Variants in PALM2AKAP2 observed in about 807,000 individuals in gnomAD.
PALM2AKAP2 encodes the protein PALM2-AKAP2 fusion protein.
PALM2AKAP2 carries 37 observed loss-of-function variants against 71.5 expected under a neutral mutation model. The observed-to-expected ratio is 0.52, with a 90% CI of 0.40 to 0.68. The LOEUF is 0.68. Ranked by LOEUF, PALM2AKAP2 falls within the 30% of genes least tolerant of loss-of-function variation. The pLI, the probability that PALM2AKAP2 is intolerant of heterozygous loss-of-function variation, is 0.00. For synonymous variants in PALM2AKAP2, 468 were observed against 478.8 expected (o/e 0.98, Z 0.29); for missense variants, 1,224 against 1,191.8 (o/e 1.03, Z -0.40).
At chr9:109,748,912 T>C (rs1828844259) in intron 1 of PALM2AKAP2, among the ~76,000 whole-genome samples, 1 of 152,220 alleles carries the variant, frequency 6.6e-6, no homozygotes, top group Non-Finnish European at 1.5e-5. Context: ...CTTAATTTCC[T>C]ATTCTTATAA....
At chr9:109,889,461 T>G (rs1486317994) in intron 3 of PALM2AKAP2, among the ~76,000 whole-genome samples, 1 of 152,208 alleles carries the variant, frequency 6.6e-6, no homozygotes, top group East Asian at 1.9e-4. Context: ...CAACTCTAAT[T>G]ATTACAGAGG....
chr9:110,136,784 G>C, exon 2 of PALM2AKAP2: 2 of 1,614,164 alleles, frequency 1.2e-6, no homozygotes, highest in Non-Finnish European at 1.7e-6. Context: ...TGAGCTGCGT[G>C]CCTTCCATGA....
intron 1 of PALM2AKAP2, among the ~76,000 whole-genome samples, chr9:109,686,924 A>G (rs902887730): frequency 4.7e-5 from 7 of 149,260 alleles, no homozygotes; most frequent in African/African-American, 1.7e-4. Context: ...GAGAATATGC[A>G]GTGTTTGGTT....
intron 7 of PALM2AKAP2, among the ~76,000 whole-genome samples, chr9:110,026,646 A>G (rs972120527): frequency 6.6e-6 from 1 of 151,636 alleles, no homozygotes; most frequent in African/African-American, 2.4e-5. Context: ...ATTCTCTCCT[A>G]CTCCAGCTCC....
chr9:109,739,349 G>T (rs1828683645), intron 1 of PALM2AKAP2, among the ~76,000 whole-genome samples: 2 of 152,144 alleles, frequency 1.3e-5, no homozygotes, highest in South Asian at 4.1e-4. Flanking sequence ...TTTAGAGAAT[G>T]CCATCAATTG....
upstream of PALM2AKAP2, among the ~76,000 whole-genome samples, chr9:110,045,607 G>A (rs1158031544): frequency 4.6e-5 from 7 of 151,528 alleles, no homozygotes; most frequent in Non-Finnish European, 5.9e-5. Flanking sequence ...TCTCTCTGTC[G>A]CCCAGGCTGG....
chr9:109,957,891 A>G (rs535305717), intron 6 of PALM2AKAP2, among the ~76,000 whole-genome samples: 5 of 152,340 alleles, frequency 3.3e-5, no homozygotes, highest in South Asian at 2.1e-4. Flanking sequence ...GGCTGGCCGC[A>G]GTGAGTCCGG....
At chr9:109,941,166 T>C (rs1162374744) in intron 6 of PALM2AKAP2, among the ~76,000 whole-genome samples, 2 of 149,818 alleles carry the variant, frequency 1.3e-5, no homozygotes, top group Non-Finnish European at 1.5e-5. Flanking sequence ...TTTTTTTTTT[T>C]TTTAAAGAAA....
chr9:110,051,605 A>G (rs1833711605), intron 1 of PALM2AKAP2, among the ~76,000 whole-genome samples: 1 of 152,178 alleles, frequency 6.6e-6, no homozygotes, highest in South Asian at 2.1e-4. Context: ...ATTTGGATGG[A>G]GGTTGTGTTG....
chr9:109,801,104 G>T (rs181682740), intron 1 of PALM2AKAP2, among the ~76,000 whole-genome samples: 1 of 152,342 alleles, frequency 6.6e-6, no homozygotes, highest in Non-Finnish European at 1.5e-5. Context: ...AGATTTGGGG[G>T]TTGCATACAT....
intron 1 of PALM2AKAP2, among the ~76,000 whole-genome samples, chr9:109,696,216 T>C (rs548177414): frequency 7.0e-4 from 106 of 152,114 alleles, no homozygotes; most frequent in Non-Finnish European, 1.1e-3. Flanking sequence ...CTAACATCAT[T>C]GATGTCATCA....
chr9:110,023,318 T>C (rs1003387869), intron 7 of PALM2AKAP2, among the ~76,000 whole-genome samples: 1 of 132,502 alleles, frequency 7.5e-6, no homozygotes, highest in Non-Finnish European at 1.6e-5. Flanking sequence ...TTTTTTTTTT[T>C]TTTTTTTTTT....
At chr9:109,882,167 A>G (rs1233646291) in intron 3 of PALM2AKAP2, among the ~76,000 whole-genome samples, 2 of 152,026 alleles carry the variant, frequency 1.3e-5, no homozygotes, top group African/African-American at 2.4e-5. Flanking sequence ...ACAGACATGA[A>G]CCACCGCACC....
chr9:109,932,481 A>G (rs936062686), intron 6 of PALM2AKAP2, among the ~76,000 whole-genome samples: 1 of 152,234 alleles, frequency 6.6e-6, no homozygotes, highest in Non-Finnish European at 1.5e-5. Flanking sequence ...ATGAATACAT[A>G]TATTCCTAAG....
intron 3 of PALM2AKAP2, among the ~76,000 whole-genome samples, chr9:109,890,687 C>A (rs548649264): frequency 2.1e-4 from 32 of 152,284 alleles, no homozygotes; most frequent in Non-Finnish European, 3.5e-4. Context: ...CTGCCTGCAT[C>A]CTGGTTCCTG....
In PALM2AKAP2 at chr9:110,053,153, C is replaced by G. The variant is rs369437589; in HGVS notation, c.156+4298C>G. ...ACTCAGGCTGCCCTCGCCTCCTTTT[C>G]CCTTTCGTGCTCCTGTCTCCCATCT... is the stretch of plus-strand genomic sequence containing the variant. On this transcript the variant is annotated intron_variant, in intron 1 of 3. Transcript: ENST00000374525. Among the ~76,000 whole-genome samples the G allele has an allele frequency of 1.3e-4, 20 of 152,288 alleles. No individual in the cohort carries two copies. The South Asian group carries it at 3.1e-3, about 24-fold the overall frequency.
In PALM2AKAP2 at chr9:109,642,772, G is replaced by C. The variant is rs1188867409; in HGVS notation, c.5+1906G>C. The stretch of plus-strand genomic sequence containing the variant: ...GTCCTATGTTGCTCAGGCTAGTCTT[G>C]AACTCCTGGGCTCAAGCAATCCTCC... On this transcript the variant is annotated intron_variant, in intron 1 of 6. Transcript: ENST00000374531. Among the ~76,000 whole-genome samples the C allele has an allele frequency of 3.3e-5, 5 of 150,458 alleles. No homozygotes were observed. The East Asian group carries it at 9.8e-4, about 30-fold the overall frequency.
exon 4 of PALM2AKAP2, chr9:110,171,893 AT>A (rs1228310595): frequency 6.6e-6 from 1 of 152,668 alleles, no homozygotes; most frequent in Non-Finnish European, 1.5e-5. Context: ...TCATCCAGAA[AT>A]TATGGAAACA....
intron 6 of PALM2AKAP2, among the ~76,000 whole-genome samples, chr9:109,969,923 G>A (rs1022379307): frequency 6.6e-6 from 1 of 152,172 alleles, no homozygotes; most frequent in African/African-American, 2.4e-5. Flanking sequence ...AGACCTGAAG[G>A]CCCATTGACC....
Sources: gnomAD v4.1 joint callset for allele counts (sites outside exome capture counted in the v4.1 genomes callset) on GRCh38, gnomAD v4.1.1 for gene constraint, MANE v1.5 for transcripts, NCBI Gene and HGNC (gene_info 2026-07-23, HGNC 2026-07-21) for gene names.